Variants in TMEM132C observed in about 807,000 individuals in gnomAD.
TMEM132C encodes the protein protein phosphatase 1, regulatory subunit 152.
A neutral mutation model predicts 61.4 loss-of-function variants in TMEM132C; 29 were observed. The observed-to-expected ratio is 0.47, with a 90% confidence interval of 0.35 to 0.64. The LOEUF is 0.64. Among genes scored for constraint, TMEM132C ranks in the 30% least tolerant of loss-of-function variants. TMEM132C has a pLI of 0.00. For synonymous variants in TMEM132C, 656 were observed against 633.1 expected, an observed-to-expected ratio of 1.04 and a Z score of -0.54; for missense variants, 1,408 against 1,476.9, an observed-to-expected ratio of 0.95 and a Z score of 0.76.
chr12:128,410,382 C>T (rs1444251091), intron 1 of TMEM132C, among the ~76,000 whole-genome samples: 2 of 151,666 alleles, frequency 1.3e-5, no homozygotes, highest in Non-Finnish European at 2.9e-5. Context: ...TACACACACA[C>T]ATATATATGT....
chr12:128,682,198 A>G (rs1165584074), intron 5 of TMEM132C, among the ~76,000 whole-genome samples: 2 of 152,126 alleles, frequency 1.3e-5, no homozygotes, highest in African/African-American at 4.8e-5. Context: ...CCAAACCTCT[A>G]CACAGGAGTG....
At chr12:128,368,064 A>G (rs1050541802) in intron 1 of TMEM132C, among the ~76,000 whole-genome samples, 1 of 152,216 alleles carries the variant, frequency 6.6e-6, no homozygotes, top group South Asian at 2.1e-4. Context: ...AATTAGAAAA[A>G]GCTGATGCTT....
At chr12:128,507,607 G>A (rs1593078502) in intron 2 of TMEM132C, among the ~76,000 whole-genome samples, 1 of 152,016 alleles carries the variant, frequency 6.6e-6, no homozygotes, top group Non-Finnish European at 1.5e-5. Flanking sequence ...AGCTGCTTCA[G>A]GTTTTTTCTG....
At chr12:128,460,364 GGT>G (rs1870492282) in intron 2 of TMEM132C, among the ~76,000 whole-genome samples, 1 of 152,164 alleles carries the variant, frequency 6.6e-6, no homozygotes, top group Admixed American at 6.5e-5. Flanking sequence ...AGGGTAGCCA[GGT>G]GGCCACCAGC....
At position 128,276,664 on chromosome 12, in the gene TMEM132C, A is replaced by G. The variant is rs1244709013; in HGVS notation, c.85+9177A>G. 5.9e-5 allele frequency among the ~76,000 whole-genome samples: 9 copies of G among 152,202 alleles called. No individual in the cohort carries two copies. The East Asian group carries it at 7.7e-4, about 13-fold the overall frequency. On this transcript the variant is annotated intron_variant, in intron 1 of 8. Coordinates refer to ENST00000435159, the MANE Select transcript of TMEM132C (RefSeq NM_001136103.3). ...TGACTTTTTTCATCCTTCTTGCTCA[A>G]TTGGTCCCTCTGGCCCCATAATTAT... is the stretch of plus-strand genomic sequence containing the variant.
chr12:128,554,765 A>G (rs932761414), intron 3 of TMEM132C, among the ~76,000 whole-genome samples: 4 of 152,174 alleles, frequency 2.6e-5, no homozygotes, highest in African/African-American at 9.7e-5. Flanking sequence ...CACATCGCAC[A>G]GACGCTCCTG....
At chr12:128,446,806 A>G (rs1023952274) in intron 2 of TMEM132C, among the ~76,000 whole-genome samples, 4 of 152,206 alleles carry the variant, frequency 2.6e-5, no homozygotes, top group African/African-American at 7.2e-5. Context: ...TAATAATGCC[A>G]TCATACTTTG....
In TMEM132C at chr12:128,706,446, G is replaced by T; in HGVS notation, c.*151G>T. On this transcript the variant is annotated 3_prime_UTR_variant, in exon 9 of 9. Transcript: ENST00000435159. ...GAAAGTTTTGAAGTCAGGAAAAGACGTTTTTGTATCAAGGGATTTTTAGCA... is the reference window on the plus strand; with the variant it reads ...GAAAGTTTTGAAGTCAGGAAAAGACTTTTTTGTATCAAGGGATTTTTAGCA... 9.6e-7 allele frequency: 1 copy of T among 1,043,140 alleles called. No homozygotes were observed. Among genetic ancestry groups the T allele is most frequent in the Non-Finnish European group, 1.3e-6 (1 of 770,214 alleles). The allele number at this position is 1,043,140 out of a possible 1,614,324, so 64.6% of individuals were successfully genotyped here.
rs150765984 is a variant in TMEM132C at position 128,639,363 on chromosome 12, G to C, written c.1305+23028G>C. Among the ~76,000 whole-genome samples the C allele has an allele frequency of 6.3e-3, 955 of 152,130 alleles. 4 individuals are homozygous for C. Among genetic ancestry groups the C allele is most frequent in the Non-Finnish European group, 9.9e-3 (673 of 67,988 alleles). On this transcript the variant is annotated intron_variant, in intron 4 of 8. Coordinates refer to ENST00000435159, the MANE Select transcript of TMEM132C (RefSeq NM_001136103.3). Reference sequence around the variant, plus strand: ...TGTTGGTATTGGTGATGAAGATGATGATGGTGATAATGGTAGTGGTAAAGA... The same window carrying C: ...TGTTGGTATTGGTGATGAAGATGATCATGGTGATAATGGTAGTGGTAAAGA...
chr12:128,604,665 G>C (rs1876347158), intron 3 of TMEM132C, among the ~76,000 whole-genome samples: 1 of 151,612 alleles, frequency 6.6e-6, no homozygotes, highest in African/African-American at 2.4e-5. Flanking sequence ...TGAAACAAAT[G>C]GATAGATAGA....
At chr12:128,643,544 A>G (rs527708577) in intron 4 of TMEM132C, among the ~76,000 whole-genome samples, 2 of 151,980 alleles carry the variant, frequency 1.3e-5, no homozygotes, top group African/African-American at 4.8e-5. Flanking sequence ...ACACACGTCC[A>G]TTTGGGGCCC....
At chr12:128,421,576 T>C (rs554799365) in intron 2 of TMEM132C, among the ~76,000 whole-genome samples, 1 of 151,428 alleles carries the variant, frequency 6.6e-6, no homozygotes, top group South Asian at 2.1e-4. Flanking sequence ...GTGAACCTTC[T>C]TGGCAAGATC....
intron 3 of TMEM132C, among the ~76,000 whole-genome samples, chr12:128,554,831 G>A (rs1397129292): frequency 1.4e-5 from 2 of 142,004 alleles, no homozygotes; most frequent in African/African-American, 3.1e-5. Flanking sequence ...ATGGCTGTAA[G>A]TGTCAGCCCT....
At chr12:128,321,384 G>T (rs1872329062) in intron 1 of TMEM132C, among the ~76,000 whole-genome samples, 1 of 152,206 alleles carries the variant, frequency 6.6e-6, no homozygotes, top group African/African-American at 2.4e-5. Flanking sequence ...AACGTCAGAA[G>T]GCTGCATATC....
intron 3 of TMEM132C, among the ~76,000 whole-genome samples, chr12:128,587,287 G>A (rs1875584401): frequency 6.6e-6 from 1 of 152,210 alleles, no homozygotes; most frequent in South Asian, 2.1e-4. Flanking sequence ...GGAAGTTCAA[G>A]AGCAAAGTGC....
At chr12:128,335,817 A>G (rs1447869495) in intron 1 of TMEM132C, among the ~76,000 whole-genome samples, 1 of 152,194 alleles carries the variant, frequency 6.6e-6, no homozygotes, top group Admixed American at 6.5e-5. Flanking sequence ...TCACCCAGTT[A>G]GTGAGAGGAG....
At chr12:128,287,193 T>TA (rs1373721307) in intron 1 of TMEM132C, among the ~76,000 whole-genome samples, 1 of 152,166 alleles carries the variant, frequency 6.6e-6, no homozygotes, top group Admixed American at 6.5e-5. Context: ...CCCACACAGT[T>TA]ATGACAACCA....
chr12:128,412,525 G>C (rs1410144491), intron 1 of TMEM132C, among the ~76,000 whole-genome samples: 1 of 152,096 alleles, frequency 6.6e-6, no homozygotes, highest in Admixed American at 6.5e-5. Flanking sequence ...ATTGAATCAT[G>C]GGGGTAGTTT....
At chr12:128,665,995 TCACACACAGGCACA>T (rs1285370884) in intron 4 of TMEM132C, among the ~76,000 whole-genome samples, 1 of 49,806 alleles carries the variant, frequency 2.0e-5, no homozygotes, top group East Asian at 5.6e-4. Flanking sequence ...ACACAGGCAC[TCACACACAGGCACA>T]CACACATTCA....
Sources: gnomAD v4.1 joint callset for allele counts (sites outside exome capture counted in the v4.1 genomes callset) on GRCh38, gnomAD v4.1.1 for gene constraint, MANE v1.5 for transcripts, NCBI Gene and HGNC (gene_info 2026-07-23, HGNC 2026-07-21) for gene names.